The following EHHADH variants were observed in gnomAD, a reference collection of about 807,000 sequenced individuals.
EHHADH encodes the protein enoyl-CoA hydratase and 3-hydroxyacyl CoA dehydrogenase.
In EHHADH, 48 loss-of-function variants were observed where a neutral mutation model predicts 64.4. The ratio of observed to expected loss-of-function variants is 0.75; its 90% CI spans 0.59 to 0.95. The LOEUF (loss-of-function observed/expected upper bound fraction) is 0.95. Ranked by LOEUF, EHHADH falls within the 40% of genes least tolerant of loss-of-function variation. The pLI is 0.00. For synonymous variants in EHHADH, 308 were observed against 326.7 expected, an observed-to-expected ratio of 0.94 and a Z score of 0.62; for missense variants, 854 against 876.6, an observed-to-expected ratio of 0.97 and a Z score of 0.33.
intron 6 of EHHADH, among the ~76,000 whole-genome samples, chr3:185,199,705 T>C (rs1718171872): frequency 6.6e-6 from 1 of 152,238 alleles, no homozygotes. Context: ...CAAGGTTAAT[T>C]TGTTTCCATA....
chr3:185,206,017 T>C (rs185517038), intron 5 of EHHADH, among the ~76,000 whole-genome samples: 1 of 150,954 alleles, frequency 6.6e-6, no homozygotes, highest in Non-Finnish European at 1.5e-5. Flanking sequence ...GCAAAGTGAC[T>C]GTGCACATAA....
chr3:185,223,385 G>A (rs1422266029), intron 4 of EHHADH, among the ~76,000 whole-genome samples: 1 of 151,870 alleles, frequency 6.6e-6, no homozygotes, highest in East Asian at 1.9e-4. Flanking sequence ...AATAATGTGA[G>A]TTTTCTAAAA....
chr3:185,205,767 T>G (rs1392250724), intron 5 of EHHADH, among the ~76,000 whole-genome samples: 2 of 152,170 alleles, frequency 1.3e-5, no homozygotes, highest in African/African-American at 2.4e-5. Context: ...GGTCACCTTT[T>G]CCAGCTAAAT....
intron 4 of EHHADH, among the ~76,000 whole-genome samples, chr3:185,221,001 C>T (rs548038068): frequency 6.6e-6 from 1 of 152,294 alleles, no homozygotes; most frequent in East Asian, 1.9e-4. Context: ...AAAACCCCAT[C>T]ATATTCTTAC....
rs1324866475 is a variant in EHHADH, at chr3:185,212,010, C to G, written c.568+6126G>C. Among the ~76,000 whole-genome samples, 5 of 152,142 alleles carry G rather than the reference C, an allele frequency of 3.3e-5. 1 individual carries two copies. Among genetic ancestry groups the G allele is most frequent in the Admixed American group, 2.6e-4 (4 of 15,276 alleles). ...GCATTAGGTTCCAGAGTTGACACTC[C>G]CAGCTGGATAATTCCCTGTGCCCAT... On this transcript the variant is annotated intron_variant, in intron 5 of 6. Transcript: ENST00000231887.
intron 3 of EHHADH, among the ~76,000 whole-genome samples, chr3:185,230,155 A>G (rs1719114046): frequency 6.6e-6 from 1 of 152,200 alleles, no homozygotes; most frequent in South Asian, 2.1e-4. Flanking sequence ...CTATTTAAAA[A>G]ACGACAGACA....
chr3:185,208,552 A>G (rs2160814), intron 5 of EHHADH, among the ~76,000 whole-genome samples: 148,654 of 152,292 alleles, frequency 0.98, 72,576 homozygotes, highest in East Asian at 1. Flanking sequence ...TAGAGAAACC[A>G]GAAGCCTCAT....
intron 1 of EHHADH, among the ~76,000 whole-genome samples, chr3:185,250,583 A>T (rs531530709): frequency 3.9e-5 from 6 of 152,344 alleles, no homozygotes; most frequent in Admixed American, 3.3e-4. Context: ...TTTAGTACAC[A>T]GGGTTAAAAA....
At chr3:185,251,027 T>A (rs969565796) in intron 1 of EHHADH, among the ~76,000 whole-genome samples, 1 of 152,154 alleles carries the variant, frequency 6.6e-6, no homozygotes, top group South Asian at 2.1e-4. Context: ...CTATAACAGA[T>A]ACGCACTTTA....
chr3:185,203,292 G>A (rs1202550500), intron 6 of EHHADH, among the ~76,000 whole-genome samples: 1 of 151,982 alleles, frequency 6.6e-6, no homozygotes, highest in African/African-American at 2.4e-5. Context: ...GTTAACATTT[G>A]GAGGATCTGG....
intron 2 of EHHADH, among the ~76,000 whole-genome samples, chr3:185,240,803 GTTTTTA>G (rs1719427603): frequency 6.6e-6 from 1 of 151,438 alleles, no homozygotes; most frequent in Admixed American, 6.6e-5. Context: ...TCTTTTTTCT[GTTTTTA>G]TTTTTATTTT....
chr3:185,202,994 G>C (rs933199940), intron 6 of EHHADH, among the ~76,000 whole-genome samples: 5 of 150,752 alleles, frequency 3.3e-5, no homozygotes, highest in East Asian at 3.9e-4. Context: ...GGAAGGGGAG[G>C]GGGGGATGGG....
intron 2 of EHHADH, among the ~76,000 whole-genome samples, chr3:185,237,389 T>G (rs1216097210): frequency 3.3e-5 from 5 of 152,216 alleles, no homozygotes; most frequent in Non-Finnish European, 7.3e-5. Flanking sequence ...TCAAGAACCT[T>G]GAATACAATG....
At chr3:185,237,658 A>C (rs1719334234) in intron 2 of EHHADH, among the ~76,000 whole-genome samples, 1 of 152,208 alleles carries the variant, frequency 6.6e-6, no homozygotes. Flanking sequence ...GAATTTCATT[A>C]ATCTAGTGTT....
chr3:185,232,046 TCTTGG>T (rs1719148593), intron 3 of EHHADH, among the ~76,000 whole-genome samples: 1 of 152,180 alleles, frequency 6.6e-6, no homozygotes, highest in Non-Finnish European at 1.5e-5. Flanking sequence ...TTATTGCCTT[TCTTGG>T]CCCATTCCAT....
intron 4 of EHHADH, among the ~76,000 whole-genome samples, chr3:185,224,434 G>C (rs1718917886): frequency 6.7e-6 from 1 of 149,230 alleles, no homozygotes; most frequent in African/African-American, 2.5e-5. Context: ...CCGGGAGGTG[G>C]AGGTTGTGGT....
intron 5 of EHHADH, among the ~76,000 whole-genome samples, chr3:185,210,484 A>G (rs1718511159): frequency 6.6e-6 from 1 of 151,890 alleles, no homozygotes; most frequent in South Asian, 2.1e-4. Context: ...AAATACAAAA[A>G]TTAGCCAGGC....
At chr3:185,229,101 T>C (rs529907417) in intron 4 of EHHADH, among the ~76,000 whole-genome samples, 4 of 152,314 alleles carry the variant, frequency 2.6e-5, no homozygotes, top group South Asian at 4.1e-4. Context: ...CGGCCTATAT[T>C]ACAATTTCTA....
At chr3:185,217,139 G>T (rs1219661871) in intron 5 of EHHADH, among the ~76,000 whole-genome samples, 1 of 152,156 alleles carries the variant, frequency 6.6e-6, no homozygotes, top group African/African-American at 2.4e-5. Flanking sequence ...GTTTGAGGTG[G>T]GAGCCTGGTG....
Sources: allele counts gnomAD v4.1 joint callset (sites outside exome capture counted in the v4.1 genomes callset), GRCh38; gene constraint gnomAD v4.1.1; transcripts MANE v1.5; gene names NCBI Gene and HGNC (gene_info 2026-07-23, HGNC 2026-07-21).